Variants in PTPN2 observed in about 807,000 individuals in gnomAD.
The protein encoded by PTPN2 is protein tyrosine phosphatase non-receptor type 2.
A neutral mutation model predicts 57.3 loss-of-function variants in PTPN2; 19 were observed. The ratio of observed to expected loss-of-function variants is 0.33; its 90% confidence interval spans 0.23 to 0.49. The LOEUF (loss-of-function observed/expected upper bound fraction) is 0.49, where lower values mean the gene tolerates loss of function less well. PTPN2 is among the 20% of genes least tolerant of loss of function. The probability of loss-of-function intolerance (pLI) is 0.99; values close to 1 mark genes in which losing one functional copy is unlikely to be tolerated. For missense variants in PTPN2, 358 were observed against 501.1 expected (o/e 0.71, Z 2.73); for synonymous variants, 153 against 164.9 (o/e 0.93, Z 0.55).
At chr18:12,847,037 T>G (rs2043233622) in intron 2 of PTPN2, among the ~76,000 whole-genome samples, 1 of 87,222 alleles carries the variant, frequency 1.1e-5, no homozygotes, top group South Asian at 5.5e-4. Context: ...TGTACAAGAT[T>G]TTTGTCAGTC....
chr18:12,819,254 T>C (rs769961713), intron 5 of PTPN2: 67 of 1,462,716 alleles, frequency 4.6e-5, no homozygotes, highest in Non-Finnish European at 5.7e-5. Flanking sequence ...TAATTTCAAA[T>C]ACAGTGTGAT....
At chr18:12,839,729 G>C (rs2042983413) in intron 2 of PTPN2, among the ~76,000 whole-genome samples, 1 of 152,016 alleles carries the variant, frequency 6.6e-6, no homozygotes, top group Admixed American at 6.6e-5. Flanking sequence ...TTGTCACTGA[G>C]TAAATGAAGA....
Position 12,793,567 on chromosome 18 carries a change from G to A in PTPN2, c.*711C>T. ...CTTTGTTTGCTTTTCTTTTTAAAAT[G>A]GGGAAAACTGTAAAACATAAAAGAA... On this transcript the variant is annotated 3_prime_UTR_variant, in exon 9 of 9. Transcript: ENST00000309660. 1.0e-6 allele frequency: 1 copy of A among 978,092 alleles called. No homozygotes were observed. Among genetic ancestry groups the A allele is most frequent in the Non-Finnish European group, 1.2e-6 (1 of 822,886 alleles). 60.6% of individuals were successfully genotyped at this position (978,092 alleles called of 1,614,324 possible).
At chr18:12,843,013 A>G (rs1195437388) in intron 2 of PTPN2, among the ~76,000 whole-genome samples, 2 of 152,144 alleles carry the variant, frequency 1.3e-5, no homozygotes, top group Non-Finnish European at 2.9e-5. Flanking sequence ...AAGCGCAGAA[A>G]CCTTCAGGAC....
At chr18:12,814,090 A>G (rs2041984337) in intron 7 of PTPN2, 113 bp downstream of exon 7, 1 of 902,058 alleles carries the variant, frequency 1.1e-6, no homozygotes, top group Admixed American at 3.3e-5. Context: ...GATTTACCAC[A>G]AAAATTCAAA....
intron 9 of PTPN2, chr18:12,786,283 C>A (rs747113767): frequency 1.9e-4 from 30 of 158,422 alleles, no homozygotes; most frequent in Middle Eastern, 6.3e-3. Flanking sequence ...TGGACCTCCA[C>A]TGTGTAATAC....
intron 7 of PTPN2, 109 bp from the exon 8 acceptor site, chr18:12,802,260 T>C: frequency 1.1e-6 from 1 of 882,646 alleles, no homozygotes. Context: ...GAAAACCCAA[T>C]GATGCTAAAA....
intron 5 of PTPN2, chr18:12,819,336 C>A (rs896462699): frequency 3.8e-6 from 3 of 789,156 alleles, no homozygotes; most frequent in Admixed American, 3.4e-5. Flanking sequence ...ATGGTTTCTA[C>A]GCTTTAAGAC....
chr18:12,827,025 C>T (rs2042490495), intron 4 of PTPN2, among the ~76,000 whole-genome samples: 1 of 152,158 alleles, frequency 6.6e-6, no homozygotes, highest in Admixed American at 6.5e-5. Flanking sequence ...AATTATCAAA[C>T]TCTTGCAATA....
At chr18:12,790,753 CTTTAG>C (rs901825415), downstream of PTPN2, among the ~76,000 whole-genome samples, 2 of 152,226 alleles carry the variant, frequency 1.3e-5, no homozygotes, top group Non-Finnish European at 2.9e-5. Context: ...ATACCACCAA[CTTTAG>C]TTTAAGACAA....
At chr18:12,861,612 G>A (rs1010561361) in intron 1 of PTPN2, among the ~76,000 whole-genome samples, 1 of 152,118 alleles carries the variant, frequency 6.6e-6, no homozygotes, top group African/African-American at 2.4e-5. Context: ...TATAATAAAG[G>A]TTTATTCTTA....
chr18:12,807,586 A>AAAAAAAT lies in PTPN2; in HGVS notation c.859-5436_859-5435insATTTTTT. On this transcript the variant is annotated intron_variant, in intron 7 of 8. Transcript: ENST00000309660. ...AAATGTGGAAAAAAAAAAAAAAAAA[A>AAAAAAAT]ATATATATATATATATATAATATAA... Among the ~76,000 whole-genome samples, 237 of 35,140 alleles carry AAAAAAAT rather than the reference A, an allele frequency of 6.7e-3. 3 individuals carry two copies. Among genetic ancestry groups the AAAAAAAT allele is most frequent in the Non-Finnish European group, 0.011 (186 of 16,236 alleles). The allele number at this position is 35,140 out of a possible 152,430, so 23.1% of individuals were successfully genotyped here.
downstream of PTPN2, chr18:12,787,206 G>A (rs1598714717): frequency 6.6e-6 from 1 of 152,228 alleles, no homozygotes; most frequent in East Asian, 1.9e-4. Flanking sequence ...AGGTAAGAGT[G>A]GTTGTCTATT....
chr18:12,790,172 C>T (rs1428080400), downstream of PTPN2, among the ~76,000 whole-genome samples: 1 of 152,144 alleles, frequency 6.6e-6, no homozygotes, highest in Non-Finnish European at 1.5e-5. Context: ...AATCCTCCCA[C>T]CTTGGCCTCC....
intron 8 of PTPN2, among the ~76,000 whole-genome samples, chr18:12,800,799 GGAAA>G (rs756697895): frequency 1.3e-5 from 2 of 152,122 alleles, no homozygotes; most frequent in Non-Finnish European, 2.9e-5. Context: ...GCAGGAGAGA[GGAAA>G]GAAAAACCTC....
chr18:12,883,739 C>G (rs2145558750), intron 1 of PTPN2: 1 of 224,196 alleles, frequency 4.5e-6, no homozygotes, highest in South Asian at 1.4e-4. Context: ...CCACGGCTTT[C>G]CCAAGGACCC....
At chr18:12,872,958 C>T (rs540837059) in intron 1 of PTPN2, among the ~76,000 whole-genome samples, 2 of 152,324 alleles carry the variant, frequency 1.3e-5, no homozygotes, top group East Asian at 1.9e-4. Flanking sequence ...CGGTGGCTCA[C>T]GCCTGTAATC....
intron 1 of PTPN2, among the ~76,000 whole-genome samples, chr18:12,883,405 A>G (rs2044732895): frequency 6.6e-6 from 1 of 152,168 alleles, no homozygotes; most frequent in South Asian, 2.1e-4. Context: ...GGGTCCCGAG[A>G]GCGCTGCCCT....
intron 2 of PTPN2, among the ~76,000 whole-genome samples, chr18:12,855,361 G>C (rs1415571054): frequency 1.3e-5 from 2 of 152,076 alleles, no homozygotes; most frequent in Non-Finnish European, 2.9e-5. Flanking sequence ...GAAGTTATGA[G>C]ATAGAAAGAG....
Sources: allele counts gnomAD v4.1 joint callset (sites outside exome capture counted in the v4.1 genomes callset), GRCh38; gene constraint gnomAD v4.1.1; transcripts MANE v1.5; gene names NCBI Gene and HGNC (gene_info 2026-07-23, HGNC 2026-07-21).